The following ASAP1 variants were observed in gnomAD, a reference collection of about 807,000 sequenced individuals.
ASAP1 encodes arf-GAP with SH3 domain, ANK repeat and PH domain-containing protein 1.
Under a neutral mutation model 145.2 loss-of-function variants are expected in ASAP1, and 43 were observed. That is an observed-to-expected ratio of 0.30 (90% CI 0.23 to 0.38). The LOEUF is 0.38. ASAP1 is among the 10% of genes least tolerant of loss of function. ASAP1 has a pLI of 1.00. For synonymous variants in ASAP1, 546 were observed against 515.5 expected (o/e 1.06, Z -0.80); for missense variants, 1,018 against 1,355.3 (o/e 0.75, Z 3.91).
chr8:130,377,794 C>T (rs1267233451), intron 2 of ASAP1, among the ~76,000 whole-genome samples: 1 of 152,206 alleles, frequency 6.6e-6, no homozygotes, highest in African/African-American at 2.4e-5. Context: ...GGGTGCTCTC[C>T]ACACAGCCTC....
intron 5 of ASAP1, among the ~76,000 whole-genome samples, chr8:130,208,184 T>C (rs1485187605): frequency 2.0e-5 from 3 of 152,172 alleles, no homozygotes; most frequent in Non-Finnish European, 2.9e-5. Context: ...TAACATCTTA[T>C]ATATGTTAAA....
At chr8:130,183,423 C>T (rs1814504562) in intron 7 of ASAP1, among the ~76,000 whole-genome samples, 1 of 152,112 alleles carries the variant, frequency 6.6e-6, no homozygotes, top group African/African-American at 2.4e-5. Context: ...TCACTACAAC[C>T]TCTGCCTCCT....
At chr8:130,402,919 GGTT>G (rs199857305) in intron 1 of ASAP1, among the ~76,000 whole-genome samples, 7,575 of 148,294 alleles carry the variant, frequency 0.051, 339 homozygotes, top group African/African-American at 0.13. Flanking sequence ...TCTTTTGTGG[GGTT>G]TTTTTTTTTT....
At chr8:130,103,738 G>A (rs1390382529) in intron 24 of ASAP1, among the ~76,000 whole-genome samples, 15 of 152,154 alleles carry the variant, frequency 9.9e-5, no homozygotes. Flanking sequence ...TTGAATTCCT[G>A]ACCTCCCTCA....
chr8:130,238,227 T>C (rs929157565), intron 3 of ASAP1, among the ~76,000 whole-genome samples: 3 of 152,094 alleles, frequency 2.0e-5, no homozygotes, highest in Non-Finnish European at 4.4e-5. Context: ...ATTCCTCGGA[T>C]TTCTGGGCTT....
chr8:130,262,392 C>CAAAA (rs1204651464), intron 3 of ASAP1, among the ~76,000 whole-genome samples: 5 of 35,712 alleles, frequency 1.4e-4, no homozygotes, highest in Admixed American at 5.3e-4. Flanking sequence ...GACTCCATCT[C>CAAAA]AAAAAAAAAA....
chr8:130,229,642 C>T (rs1484435756), intron 4 of ASAP1, among the ~76,000 whole-genome samples: 1 of 152,152 alleles, frequency 6.6e-6, no homozygotes, highest in African/African-American at 2.4e-5. Flanking sequence ...CAACAAATGG[C>T]AGCTATATTT....
At chr8:130,080,474 CTCTCT>C (rs2097476717) in intron 25 of ASAP1, among the ~76,000 whole-genome samples, 2 of 92,688 alleles carry the variant, frequency 2.2e-5, no homozygotes, top group Non-Finnish European at 5.1e-5. Flanking sequence ...CATTCATTCT[CTCTCT>C]TTTTTTTTTT....
At chr8:130,286,599 G>A (rs1170790366) in intron 3 of ASAP1, among the ~76,000 whole-genome samples, 1 of 152,144 alleles carries the variant, frequency 6.6e-6, no homozygotes, top group African/African-American at 2.4e-5. Context: ...GAGCTTTGCG[G>A]TGAGGGTTTA....
At chr8:130,285,933 A>G (rs113976186) in intron 3 of ASAP1, among the ~76,000 whole-genome samples, 2,507 of 152,242 alleles carry the variant, frequency 0.016, 69 homozygotes, top group African/African-American at 0.056. Context: ...CAGATATCAT[A>G]AATAATTTGC....
intron 3 of ASAP1, among the ~76,000 whole-genome samples, chr8:130,331,084 G>A (rs1205597637): frequency 1.3e-5 from 2 of 152,168 alleles, no homozygotes; most frequent in African/African-American, 2.4e-5. Flanking sequence ...CAAGCAGATG[G>A]ACATAAAGAA....
chr8:130,355,283 A>AT (rs2138100831), intron 3 of ASAP1, among the ~76,000 whole-genome samples: 1 of 152,374 alleles, frequency 6.6e-6, no homozygotes, highest in East Asian at 1.9e-4. Context: ...CCAAGGAGAC[A>AT]TAGTAAAAGA....
intron 3 of ASAP1, among the ~76,000 whole-genome samples, chr8:130,298,331 A>C (rs1469056371): frequency 6.6e-6 from 1 of 152,222 alleles, no homozygotes; most frequent in Non-Finnish European, 1.5e-5. Context: ...GCAGACAGGC[A>C]GGACAAGCCC....
chr8:130,067,175 C>T (rs2097432534), intron 27 of ASAP1, among the ~76,000 whole-genome samples: 1 of 152,166 alleles, frequency 6.6e-6, no homozygotes, highest in South Asian at 2.1e-4. Context: ...TTGTTTCATC[C>T]AACATGCATG....
intron 24 of ASAP1, among the ~76,000 whole-genome samples, chr8:130,095,227 G>A (rs575831000): frequency 5.3e-5 from 8 of 151,044 alleles, no homozygotes; most frequent in Non-Finnish European, 7.4e-5. Context: ...CTCTGGTTTC[G>A]TGTAGAGTAA....
intron 1 of ASAP1, among the ~76,000 whole-genome samples, chr8:130,404,064 G>C (rs939874782): frequency 6.6e-6 from 1 of 152,170 alleles, no homozygotes; most frequent in Admixed American, 6.5e-5. Context: ...ATGTTTCAAC[G>C]TGAAGACTGA....
chr8:130,096,452 C>G (rs1361782326), intron 24 of ASAP1, among the ~76,000 whole-genome samples: 1 of 152,168 alleles, frequency 6.6e-6, no homozygotes, highest in African/African-American at 2.4e-5. Flanking sequence ...ATTTTCTCTC[C>G]TGAACTCTGC....
rs557253288 is a variant in ASAP1 at position 130,424,664 on chromosome 8, G to A, written c.-28+18796C>T. On this transcript the variant is annotated intron_variant, in intron 1 of 29. Coordinates refer to ENST00000518721, the MANE Select transcript of ASAP1 (RefSeq NM_018482.4). ...AGAGCACTTCCTGAGCATCTACCAG[G>A]TAGCAGGCCCAGAGACAGGTACTGC... is the stretch of plus-strand genomic sequence containing the variant. Among the ~76,000 whole-genome samples the A allele has an allele frequency of 2.6e-5, 4 of 152,212 alleles. No individual in the cohort carries two copies. The East Asian group carries it at 7.7e-4, about 29-fold the overall frequency.
intron 27 of ASAP1, among the ~76,000 whole-genome samples, chr8:130,074,472 CACACACACACACACAG>C (rs1397278145): frequency 2.8e-4 from 42 of 148,722 alleles, no homozygotes; most frequent in African/African-American, 1.0e-3. Flanking sequence ...CACACACACA[CACACACACACACACAG>C]AGAGAACGAG....
Sources: gnomAD v4.1 joint callset for allele counts (sites outside exome capture counted in the v4.1 genomes callset) on GRCh38, gnomAD v4.1.1 for gene constraint, MANE v1.5 for transcripts, NCBI Gene and HGNC (gene_info 2026-07-23, HGNC 2026-07-21) for gene names.